Variants in SMIM8 observed in about 807,000 individuals in gnomAD.
SMIM8 encodes the protein small integral membrane protein 8, also known as UPF0708 protein C6orf162.
Under a neutral mutation model 8.1 loss-of-function variants are expected in SMIM8, and 8 were observed. The observed-to-expected ratio is 0.99, with a 90% confidence interval of 0.58 to 1.78. The LOEUF is 1.78. Among genes scored for constraint, SMIM8 ranks in the 40% most tolerant of loss-of-function variants. The pLI, the probability that SMIM8 is intolerant of heterozygous loss-of-function variation, is 0.00. For missense variants in SMIM8, 126 were observed against 119.8 expected (o/e 1.05, Z -0.24); for synonymous variants, 45 against 39.7 (o/e 1.13, Z -0.50).
At chr6:87,323,127 C>T (rs1321766814) in intron 1 of SMIM8, 2 of 149,308 alleles carry the variant, frequency 1.3e-5, no homozygotes, top group African/African-American at 5.2e-5. Flanking sequence ...AAGCCTTCGG[C>T]ACCGAACAGT....
intron 2 of SMIM8, among the ~76,000 whole-genome samples, chr6:87,336,679 CT>C (rs1196971040): frequency 6.6e-6 from 1 of 152,150 alleles, no homozygotes; most frequent in Non-Finnish European, 1.5e-5. Context: ...GGATAACCTA[CT>C]GGCCTCACCT....
In SMIM8 at chr6:87,341,445, A is replaced by G. The variant is rs774720977; in HGVS notation, c.*1171A>G. On this transcript the variant is annotated 3_prime_UTR_variant, in exon 4 of 4. Transcript: ENST00000392863. ...TGTGTCTGGCCAGATTCTGCCTTAT[A>G]GAATTCAAATCTTTCTTACAAGGGT... 1.3e-5 allele frequency: 5 copies of G among 395,332 alleles called. No homozygotes were observed. The highest frequency in any genetic ancestry group is 8.2e-5 in the African/African-American group (4 of 48,546). 24.5% of individuals were successfully genotyped at this position (395,332 alleles called of 1,614,324 possible).
chr6:87,327,745 T>C (rs1273001350), intron 1 of SMIM8, among the ~76,000 whole-genome samples: 1 of 145,902 alleles, frequency 6.9e-6, no homozygotes. Context: ...GGAGTTGCTC[T>C]TCTCGAGGAG....
Position 87,322,619 on chromosome 6 carries a change from T to G in SMIM8, c.-58T>G, listed in dbSNP as rs923292348. 1 of 152,136 alleles carries G rather than the reference T, an allele frequency of 6.6e-6. No homozygotes were observed. Among genetic ancestry groups the G allele is most frequent in the African/African-American group, 2.4e-5 (1 of 41,380 alleles). 9.4% of individuals were successfully genotyped at this position (152,136 alleles called of 1,614,324 possible). A position where few individuals can be genotyped will look rare whatever the true frequency, so the allele number is the denominator to read the frequency against. On this transcript the variant is annotated 5_prime_UTR_variant, in exon 1 of 4. Coordinates refer to ENST00000392863, the MANE Select transcript of SMIM8 (RefSeq NM_001042493.3). ...GGGCGTCTCGGGCGAGGAGAGGAGG[T>G]GACCCCGCGAAAGGTAAGCGGCGGC...
intron 1 of SMIM8, among the ~76,000 whole-genome samples, chr6:87,329,864 G>C (rs750665283): frequency 3.3e-5 from 5 of 152,106 alleles, no homozygotes; most frequent in Admixed American, 6.5e-5. Flanking sequence ...AGACTAAATG[G>C]TGAGTATGAA....
chr6:87,342,267 A>G lies in SMIM8; in HGVS notation c.*1993A>G, dbSNP rs1562227116. 1.3e-5 allele frequency: 2 copies of G among 152,238 alleles called. No individual in the cohort carries two copies. Among genetic ancestry groups the G allele is most frequent in the Non-Finnish European group, 2.9e-5 (2 of 68,038 alleles). The allele number at this position is 152,238 out of a possible 1,614,324, so 9.4% of individuals were successfully genotyped here. A position where few individuals can be genotyped will look rare whatever the true frequency, so the allele number is the denominator to read the frequency against. Reference sequence around the variant, plus strand: ...TGCCTGCCTATGTGTTGATGTTTTCATCCTTTCTTTGTTGAATGAGGGTAT... The same window carrying G: ...TGCCTGCCTATGTGTTGATGTTTTCGTCCTTTCTTTGTTGAATGAGGGTAT... On this transcript the variant is annotated 3_prime_UTR_variant, in exon 4 of 4. Transcript: ENST00000392863.
Position 87,340,128 on chromosome 6 carries a change from A to G in SMIM8, c.148A>G (p.Met50Val), listed in dbSNP as rs144419012. Reference protein sequence around the residue: ...ELFIKPNKPVMAFGLVTLSLC... With the variant: ...ELFIKPNKPVVAFGLVTLSLC... ...TTTTCTTTGACAGAACAAACCTGTAATGGCTTTCGGATTGGTAACTCTTTC... is the reference window on the plus strand; with the variant it reads ...TTTTCTTTGACAGAACAAACCTGTAGTGGCTTTCGGATTGGTAACTCTTTC... Residue 50 changes from methionine (M) to valine (V), a missense_variant, in exon 4 of 4, where the codon ATG (methionine) becomes GTG (valine). By Grantham distance (21) the Met-to-Val change is conservative. Coordinates refer to ENST00000392863, the MANE Select transcript of SMIM8 (RefSeq NM_001042493.3). 8.2e-6 allele frequency: 13 copies of G among 1,579,160 alleles called. No homozygotes were observed. The African/African-American group carries it at 1.7e-4, about 20-fold the overall frequency.
rs769468038 is a variant in SMIM8, at chr6:87,342,132, G to A, written c.*1858G>A. On this transcript the variant is annotated 3_prime_UTR_variant, in exon 4 of 4. Coordinates refer to ENST00000392863, the MANE Select transcript of SMIM8 (RefSeq NM_001042493.3). ...CAAGCACAAAGCTGTGAAAAGTAGT[G>A]TGTGGAAAGAATCATACTGAATTTT... 1.6e-4 allele frequency: 24 copies of A among 152,194 alleles called. No homozygotes were observed. Among genetic ancestry groups the A allele is most frequent in the Admixed American group, 7.9e-4 (12 of 15,278 alleles). 9.4% of individuals were successfully genotyped at this position (152,194 alleles called of 1,614,324 possible). A position where few individuals can be genotyped will look rare whatever the true frequency, so the allele number is the denominator to read the frequency against.
chr6:87,328,060 T>G (rs1328525065), intron 1 of SMIM8, among the ~76,000 whole-genome samples: 1 of 152,224 alleles, frequency 6.6e-6, no homozygotes, highest in Non-Finnish European at 1.5e-5. Context: ...CTCCTGAGGC[T>G]TCTGCATTCT....
intron 1 of SMIM8, among the ~76,000 whole-genome samples, chr6:87,323,540 T>G (rs1776727012): frequency 6.6e-6 from 1 of 151,424 alleles, no homozygotes; most frequent in South Asian, 2.1e-4. Context: ...TTTTTTGTTC[T>G]TGCGATAGTT....
Position 87,342,018 on chromosome 6 carries a change from G to A in SMIM8, c.*1744G>A, listed in dbSNP as rs1009343893. On this transcript the variant is annotated 3_prime_UTR_variant, in exon 4 of 4. Transcript: ENST00000392863. ...TAGTTGCGTGAACTGTCAAGAGATT[G>A]CAGTGCAGGAGGGCAACAGAAACTG... 6.6e-6 allele frequency: 1 copy of A among 152,348 alleles called. No individual in the cohort carries two copies. The highest frequency in any genetic ancestry group is 1.5e-5 in the Non-Finnish European group (1 of 68,032). The allele number at this position is 152,348 out of a possible 1,614,324, so 9.4% of individuals were successfully genotyped here. A position where few individuals can be genotyped will look rare whatever the true frequency, so the allele number is the denominator to read the frequency against.
chr6:87,326,863 G>A (rs28895358), intron 1 of SMIM8, among the ~76,000 whole-genome samples: 2,218 of 119,186 alleles, frequency 0.019, 83 homozygotes, highest in African/African-American at 0.076. Context: ...TGTTGACAGT[G>A]GGGTGTTAAA....
chr6:87,323,326 A>G (rs1776719442), intron 1 of SMIM8, among the ~76,000 whole-genome samples: 1 of 152,152 alleles, frequency 6.6e-6, no homozygotes, highest in Non-Finnish European at 1.5e-5. Context: ...CACAATGTGC[A>G]GGTTAGTTAC....
chr6:87,340,698 C>T lies in SMIM8; in HGVS notation c.*424C>T, dbSNP rs1349329304. 1.3e-5 allele frequency: 2 copies of T among 152,634 alleles called. No individual in the cohort carries two copies. The highest frequency in any genetic ancestry group is 2.9e-5 in the Non-Finnish European group (2 of 68,556). 9.5% of individuals were successfully genotyped at this position (152,634 alleles called of 1,614,324 possible). ...GTTCATGTTCTCCCTGGCATAGAAC[C>T]TATATTTTTAAAGAAAGATAAATAG... On this transcript the variant is annotated 3_prime_UTR_variant, in exon 4 of 4. Coordinates refer to ENST00000392863, the MANE Select transcript of SMIM8 (RefSeq NM_001042493.3).
At position 87,340,091 on chromosome 6, in the gene SMIM8, T is replaced by C. The variant is rs993153846; in HGVS notation, c.136-25T>C. 9.2e-6 allele frequency: 14 copies of C among 1,517,578 alleles called. No homozygotes were observed. In the Admixed American group the frequency reaches 9.3e-5, roughly 10 times the overall value. 94.0% of individuals were successfully genotyped at this position (1,517,578 alleles called of 1,614,324 possible). A position where few individuals can be genotyped will look rare whatever the true frequency, so the allele number is the denominator to read the frequency against. On this transcript the variant is annotated intron_variant, in intron 3 of 3. Coordinates refer to ENST00000392863, the MANE Select transcript of SMIM8 (RefSeq NM_001042493.3). Reference sequence around the variant, plus strand: ...CTCAAATTGTTAGTCTTACTAAAGCTTTATAATTTTTTTTTCTTTGACAGA... The same window carrying C: ...CTCAAATTGTTAGTCTTACTAAAGCCTTATAATTTTTTTTTCTTTGACAGA...
chr6:87,333,852 T>C (rs1777045819), intron 2 of SMIM8, among the ~76,000 whole-genome samples: 1 of 152,230 alleles, frequency 6.6e-6, no homozygotes, highest in Admixed American at 6.5e-5. Flanking sequence ...TGTTAGTCTC[T>C]TCTTGCGTCA....
In SMIM8 at chr6:87,332,634, A is replaced by G. The variant is rs566746525; in HGVS notation, c.-24+1922A>G. On this transcript the variant is annotated intron_variant, in intron 2 of 3. Transcript: ENST00000392863. ...CCTCCTCAATTCCTGGCACATTATCATCCACACAAAGTATATGTAATAAAC... is the reference window on the plus strand; with the variant it reads ...CCTCCTCAATTCCTGGCACATTATCGTCCACACAAAGTATATGTAATAAAC... Among the ~76,000 whole-genome samples the G allele has an allele frequency of 7.2e-5, 11 of 152,076 alleles. No individual in the cohort carries two copies. The East Asian group carries it at 2.1e-3, about 29-fold the overall frequency.
intron 3 of SMIM8, among the ~76,000 whole-genome samples, chr6:87,339,502 G>T (rs1482136357): frequency 6.6e-6 from 1 of 151,720 alleles, no homozygotes. Flanking sequence ...TAGGGTCTTG[G>T]ATTGTCCAAG....
chr6:87,339,428 G>A (rs1395846909), intron 3 of SMIM8, among the ~76,000 whole-genome samples: 9 of 88,976 alleles, frequency 1.0e-4, no homozygotes, highest in African/African-American at 2.3e-4. Flanking sequence ...GTGTGTGTGT[G>A]TGTGTGTTTG....
Sources: allele counts gnomAD v4.1 joint callset (sites outside exome capture counted in the v4.1 genomes callset), GRCh38; gene constraint gnomAD v4.1.1; transcripts MANE v1.5; gene names NCBI Gene and HGNC (gene_info 2026-07-23, HGNC 2026-07-21).